CENPP: variants seen among roughly 807,000 people sequenced by gnomAD.
The protein encoded by CENPP is centromere protein P.
In CENPP, 24 loss-of-function variants were observed where a neutral mutation model predicts 35.6. The observed-to-expected ratio is 0.67, with a 90% CI of 0.49 to 0.95. CENPP has a LOEUF of 0.95. Ranked by LOEUF, CENPP falls within the 40% of genes least tolerant of loss-of-function variation. The pLI is 0.00. For synonymous variants in CENPP, 120 were observed against 125.5 expected (o/e 0.96, Z 0.29); for missense variants, 332 against 345.3 (o/e 0.96, Z 0.31).
intron 5 of CENPP, among the ~76,000 whole-genome samples, chr9:92,470,048 C>T (rs1165894175): frequency 6.6e-6 from 1 of 152,074 alleles, no homozygotes; most frequent in Non-Finnish European, 1.5e-5. Flanking sequence ...AGGCTGATCT[C>T]GAACTCTTGG....
At chr9:92,603,220 G>A (rs988647289) in intron 5 of CENPP, among the ~76,000 whole-genome samples, 1 of 152,244 alleles carries the variant, frequency 6.6e-6, no homozygotes, top group Non-Finnish European at 1.5e-5. Flanking sequence ...GGGCAGTTGT[G>A]CAGGCCCCAG....
intron 5 of CENPP, chr9:92,517,551 A>G (rs1469759067): frequency 1.7e-6 from 2 of 1,161,376 alleles, no homozygotes; most frequent in African/African-American, 1.6e-5. Context: ...TTCTATGTTA[A>G]TCAGCATTTT....
intron 5 of CENPP, among the ~76,000 whole-genome samples, chr9:92,521,944 G>C (rs1374748286): frequency 2.0e-5 from 3 of 152,152 alleles, no homozygotes; most frequent in African/African-American, 7.2e-5. Context: ...TATATGCATA[G>C]TAAACATACT....
chr9:92,443,439 G>A (rs2131007344), intron 5 of CENPP, among the ~76,000 whole-genome samples: 1 of 152,240 alleles, frequency 6.6e-6, no homozygotes, highest in South Asian at 2.1e-4. Context: ...GAAGGAAATT[G>A]AAGAATAGCT....
chr9:92,429,228 A>C (rs558639012), intron 5 of CENPP, among the ~76,000 whole-genome samples: 1 of 152,302 alleles, frequency 6.6e-6, no homozygotes, highest in African/African-American at 2.4e-5. Context: ...GTTGGAGGAA[A>C]GATGCCTCCA....
chr9:92,550,309 T>C (rs1473174841), intron 5 of CENPP, among the ~76,000 whole-genome samples: 2 of 150,820 alleles, frequency 1.3e-5, no homozygotes, highest in Non-Finnish European at 2.9e-5. Context: ...GGCAGGAGAG[T>C]CACTTGAACC....
In CENPP at chr9:92,575,904, G is replaced by T. The variant is rs190968614; in HGVS notation, c.565-35410G>T. On this transcript the variant is annotated intron_variant, in intron 5 of 7. Transcript: ENST00000375587. The stretch of plus-strand genomic sequence containing the variant: ...ATTAGAACCGTTGCGCGCTGTTATA[G>T]TAGGGATATAAAATGGTACAGCTGC... Among the ~76,000 whole-genome samples, 361 of 152,250 alleles carry T rather than the reference G, an allele frequency of 2.4e-3. 1 individual carries two copies. Among genetic ancestry groups the T allele is most frequent in the African/African-American group, 8.3e-3 (345 of 41,550 alleles).
intron 5 of CENPP, among the ~76,000 whole-genome samples, chr9:92,543,730 G>A (rs1176697526): frequency 3.3e-5 from 5 of 152,102 alleles, no homozygotes; most frequent in Non-Finnish European, 7.4e-5. Flanking sequence ...TTTCATCAGC[G>A]ATTTATAGGT....
intron 5 of CENPP, among the ~76,000 whole-genome samples, chr9:92,597,052 CTG>C (rs1319473312): frequency 6.6e-6 from 1 of 152,078 alleles, no homozygotes; most frequent in African/African-American, 2.4e-5. Flanking sequence ...AAAACTTGAC[CTG>C]TATACTGCAA....
At chr9:92,359,758 A>G (rs893934698) in intron 4 of CENPP, among the ~76,000 whole-genome samples, 5 of 151,354 alleles carry the variant, frequency 3.3e-5, no homozygotes, top group African/African-American at 1.2e-4. Context: ...AGTGAACAAA[A>G]CACAGATCCT....
chr9:92,424,870 T>A (rs183289066), intron 5 of CENPP, among the ~76,000 whole-genome samples: 12 of 152,146 alleles, frequency 7.9e-5, no homozygotes, highest in African/African-American at 2.7e-4. Context: ...GAGATGGGGT[T>A]TCACCATGTT....
intron 5 of CENPP, among the ~76,000 whole-genome samples, chr9:92,605,475 A>G (rs565990998): frequency 9.2e-5 from 14 of 152,188 alleles, no homozygotes; most frequent in African/African-American, 3.1e-4. Context: ...TTATCTCTCT[A>G]TAAACCAGAG....
At position 92,549,132 on chromosome 9, in the gene CENPP, C is replaced by T. The variant is rs560601465; in HGVS notation, c.565-62182C>T. ...TCACGTGGACGGTTTCAAGGAACTG[C>T]GGAGGGAGACAGAAGAGACCAAACA... On this transcript the variant is annotated intron_variant, in intron 5 of 7. Coordinates refer to ENST00000375587, the MANE Select transcript of CENPP (RefSeq NM_001012267.3). 5.9e-5 allele frequency among the ~76,000 whole-genome samples: 9 copies of T among 152,168 alleles called. 1 individual carries two copies. The highest frequency in any genetic ancestry group is 1.9e-4 in the African/African-American group (8 of 41,500).
chr9:92,522,884 C>G (rs758283092), intron 5 of CENPP: 13 of 1,578,924 alleles, frequency 8.2e-6, no homozygotes, highest in African/African-American at 1.4e-5. Context: ...TTTTTTCCAC[C>G]AGCCAATTTC....
rs187315909 is a variant in CENPP at position 92,346,839 on chromosome 9, A to T, written c.467+1052A>T. On this transcript the variant is annotated intron_variant, in intron 4 of 7. Transcript: ENST00000375587. ...GGATTGCTTGAGTAAAAGGGATTAG[A>T]GGTCATTCACAGGGGATAACTCTTT... is the stretch of plus-strand genomic sequence containing the variant. Among the ~76,000 whole-genome samples, 85 of 152,264 alleles carry T rather than the reference A, an allele frequency of 5.6e-4. 1 individual carries two copies. Among genetic ancestry groups the T allele is most frequent in the African/African-American group, 1.7e-3 (71 of 41,554 alleles).
Position 92,379,847 on chromosome 9 carries a change from T to C in CENPP, c.552T>C (p.Phe184=), listed in dbSNP as rs772923884. The C allele has an allele frequency of 1.4e-5, 22 of 1,607,048 alleles. No homozygotes were observed. ...GGTTTGAATATCGTAAGCGCACGTTTAAACATCTCAAGGTAAAGTCTGAAG... is the reference window on the plus strand; with the variant it reads ...GGTTTGAATATCGTAAGCGCACGTTCAAACATCTCAAGGTAAAGTCTGAAG... ...VEWFEYRKRT[F]KHLKEKYPDA... is the part of the protein sequence containing the mutation. Residue 184 remains phenylalanine (F), a synonymous_variant, in exon 5 of 8, where the codon TTT becomes TTC. Coordinates refer to ENST00000375587, the MANE Select transcript of CENPP (RefSeq NM_001012267.3).
chr9:92,326,134 C>G, intron 1 of CENPP, 29 bp downstream of exon 1: 2 of 1,438,526 alleles, frequency 1.4e-6, no homozygotes, highest in South Asian at 2.5e-5. Context: ...TCCCCCAGGG[C>G]CCGCTGGCCA....
At chr9:92,573,457 G>A (rs958588981) in intron 5 of CENPP, among the ~76,000 whole-genome samples, 3 of 152,168 alleles carry the variant, frequency 2.0e-5, no homozygotes, top group Non-Finnish European at 4.4e-5. Context: ...TCCTTCCTCT[G>A]GAAGCTTTGT....
rs1213825480 is a variant in CENPP at position 92,594,892 on chromosome 9, CTTTTTTTTTT to C, written c.565-16410_565-16401del. Among the ~76,000 whole-genome samples the C allele has an allele frequency of 2.9e-5, 3 of 105,118 alleles. 1 individual carries two copies. The Admixed American group carries it at 3.4e-4, about 12-fold the overall frequency. 69.0% of individuals were successfully genotyped at this position (105,118 alleles called of 152,430 possible). The stretch of plus-strand genomic sequence containing the variant: ...GTCCTGGATGTGAGAGGTTGCTCTT[CTTTTTTTTTT>C]TTTTTTTTTTTGAGATGGAGTTTAG... On this transcript the variant is annotated intron_variant, in intron 5 of 7. Transcript: ENST00000375587.
Sources: allele counts gnomAD v4.1 joint callset (sites outside exome capture counted in the v4.1 genomes callset), GRCh38; gene constraint gnomAD v4.1.1; transcripts MANE v1.5; gene names NCBI Gene and HGNC (gene_info 2026-07-23, HGNC 2026-07-21).